C10orf90: variants seen among roughly 807,000 people sequenced by gnomAD.
C10orf90 encodes the protein chromosome 10 open reading frame 90.
Under a neutral mutation model 62.5 loss-of-function variants are expected in C10orf90, and 56 were observed. That is an observed-to-expected ratio of 0.90 (90% CI 0.72 to 1.12). The LOEUF (loss-of-function observed/expected upper bound fraction) is 1.12, where lower values mean the gene tolerates loss of function less well. Among genes scored for constraint, C10orf90 ranks in the 50% most tolerant of loss-of-function variants. The probability of loss-of-function intolerance (pLI) is 0.00; values close to 1 mark genes in which losing one functional copy is unlikely to be tolerated. For synonymous variants in C10orf90, 386 were observed against 340.4 expected (o/e 1.13, Z -1.47); for missense variants, 970 against 880.4 (o/e 1.10, Z -1.29).
At chr10:126,518,060 GT>G (rs3040749) in intron 2 of C10orf90, among the ~76,000 whole-genome samples, 23 of 151,350 alleles carry the variant, frequency 1.5e-4, no homozygotes, top group South Asian at 2.1e-4. Flanking sequence ...ACTCTTGTAT[GT>G]TTTTTTTTTT....
At chr10:126,617,855 T>C (rs1409819838) in intron 2 of C10orf90, among the ~76,000 whole-genome samples, 2 of 152,208 alleles carry the variant, frequency 1.3e-5, no homozygotes, top group African/African-American at 4.8e-5. Flanking sequence ...GAGAATAGAT[T>C]ATACAGTCGG....
At chr10:126,510,533 G>C (rs1863042362) in intron 3 of C10orf90, among the ~76,000 whole-genome samples, 1 of 152,138 alleles carries the variant, frequency 6.6e-6, no homozygotes, top group Non-Finnish European at 1.5e-5. Flanking sequence ...TTAAAAGGAG[G>C]ATGAAAATCA....
rs78533731 is a variant in C10orf90, at chr10:126,474,895, T to C, written c.1535-9909A>G. On this transcript the variant is annotated intron_variant, in intron 4 of 9. Transcript: ENST00000488181. ...CAACATCATCGGCTCATTTGCTTTGTCCTCTGTCAGCAAGTAAGCCAAGGG... is the reference window on the plus strand; with the variant it reads ...CAACATCATCGGCTCATTTGCTTTGCCCTCTGTCAGCAAGTAAGCCAAGGG... Among the ~76,000 whole-genome samples the C allele has an allele frequency of 3.6e-3, 552 of 152,278 alleles. 7 individuals carry two copies. Among genetic ancestry groups the C allele is most frequent in the African/African-American group, 0.013 (537 of 41,550 alleles).
chr10:126,625,595 A>G (rs1401554689), intron 2 of C10orf90, among the ~76,000 whole-genome samples: 2 of 152,166 alleles, frequency 1.3e-5, no homozygotes, highest in Non-Finnish European at 2.9e-5. Context: ...AGCGCAGAGC[A>G]AGAGGAGAGG....
intron 2 of C10orf90, among the ~76,000 whole-genome samples, chr10:126,618,254 C>T (rs752689515): frequency 2.0e-5 from 3 of 152,176 alleles, no homozygotes; most frequent in Non-Finnish European, 2.9e-5. Context: ...TGATGCATCT[C>T]GATTTCAGAG....
At chr10:126,580,652 C>A (rs146952749) in intron 2 of C10orf90, among the ~76,000 whole-genome samples, 78 of 134,934 alleles carry the variant, frequency 5.8e-4, no homozygotes, top group African/African-American at 6.3e-4. Context: ...GGCTCTGTCT[C>A]AAAAAAAAAA....
intron 4 of C10orf90, among the ~76,000 whole-genome samples, chr10:126,468,133 A>G (rs1188142949): frequency 6.7e-6 from 1 of 148,256 alleles, no homozygotes. Flanking sequence ...GAGTGGCACT[A>G]TCTTGGCTCA....
intron 2 of C10orf90, among the ~76,000 whole-genome samples, chr10:126,559,600 CCTT>C (rs1864856951): frequency 1.3e-5 from 2 of 152,190 alleles, no homozygotes; most frequent in African/African-American, 4.8e-5. Flanking sequence ...TCTCCTTTCA[CCTT>C]CTGCCTCCGC....
At chr10:126,481,125 C>G (rs1190512360) in intron 4 of C10orf90, among the ~76,000 whole-genome samples, 1 of 152,240 alleles carries the variant, frequency 6.6e-6, no homozygotes, top group Non-Finnish European at 1.5e-5. Flanking sequence ...TGTCACAAGA[C>G]AGGCTCCTTC....
intron 2 of C10orf90, among the ~76,000 whole-genome samples, chr10:126,565,227 C>T (rs1167958539): frequency 1.6e-3 from 76 of 48,470 alleles, no homozygotes; most frequent in Non-Finnish European, 2.2e-3. Context: ...TTTTATATTA[C>T]ATATTATGTA....
chr10:126,536,869 G>C (rs773239911), intron 2 of C10orf90, among the ~76,000 whole-genome samples: 6 of 152,166 alleles, frequency 3.9e-5, no homozygotes, highest in Non-Finnish European at 2.9e-5. Context: ...GCTTCTGAGG[G>C]CTGGATTGGG....
At chr10:126,635,826 T>C (rs1182527874) in intron 2 of C10orf90, among the ~76,000 whole-genome samples, 1 of 152,182 alleles carries the variant, frequency 6.6e-6, no homozygotes, top group Non-Finnish European at 1.5e-5. Flanking sequence ...TTCAGAAAGA[T>C]TTCCATTTAA....
intron 7 of C10orf90, among the ~76,000 whole-genome samples, chr10:126,442,285 G>A (rs752877288): frequency 7.3e-5 from 11 of 150,834 alleles, no homozygotes; most frequent in African/African-American, 2.4e-4. Flanking sequence ...AAACTTTAAA[G>A]CAACAGCAGT....
chr10:126,552,704 G>A (rs1864664138), intron 2 of C10orf90, among the ~76,000 whole-genome samples: 1 of 152,260 alleles, frequency 6.6e-6, no homozygotes, highest in African/African-American at 2.4e-5. Flanking sequence ...TGCTGCAGCA[G>A]TACCTGCCGC....
At chr10:126,563,917 G>A (rs984797685) in intron 2 of C10orf90, among the ~76,000 whole-genome samples, 1 of 152,144 alleles carries the variant, frequency 6.6e-6, no homozygotes, top group Non-Finnish European at 1.5e-5. Flanking sequence ...GAGAACAGGC[G>A]TTCTCAATCT....
chr10:126,465,581 A>G (rs1174645311), intron 4 of C10orf90, among the ~76,000 whole-genome samples: 1 of 152,188 alleles, frequency 6.6e-6, no homozygotes, highest in African/African-American at 2.4e-5. Context: ...TTACTATTGC[A>G]GAAGCATTGG....
chr10:126,565,349 A>T lies in C10orf90; in HGVS notation c.314-51410T>A, dbSNP rs1408124408. On this transcript the variant is annotated intron_variant, in intron 2 of 9. Coordinates refer to ENST00000488181, the MANE Select transcript of C10orf90 (RefSeq NM_001350921.2). ...TATATTTATATTATATATAATATAT[A>T]ATATATAATATATATTATTTTATAT... is the stretch of plus-strand genomic sequence containing the variant. Among the ~76,000 whole-genome samples the T allele has an allele frequency of 2.9e-3, 188 of 63,770 alleles. 2 individuals are homozygous for T. Among genetic ancestry groups the T allele is most frequent in the South Asian group, 9.3e-3 (24 of 2,586 alleles). 41.8% of individuals were successfully genotyped at this position (63,770 alleles called of 152,430 possible). A position where few individuals can be genotyped will look rare whatever the true frequency, so the allele number is the denominator to read the frequency against.
chr10:126,573,596 G>A (rs1363211166), intron 2 of C10orf90, among the ~76,000 whole-genome samples: 2 of 152,098 alleles, frequency 1.3e-5, no homozygotes, highest in East Asian at 3.9e-4. Context: ...TCCCCCAAAA[G>A]CCCCAGGGCC....
At chr10:126,507,112 C>G (rs1321698894) in intron 3 of C10orf90, among the ~76,000 whole-genome samples, 1 of 152,072 alleles carries the variant, frequency 6.6e-6, no homozygotes, top group East Asian at 1.9e-4. Flanking sequence ...AATCCCAGCA[C>G]TTTGGGAGGC....
Sources: gnomAD v4.1 joint callset for allele counts (sites outside exome capture counted in the v4.1 genomes callset) on GRCh38, gnomAD v4.1.1 for gene constraint, MANE v1.5 for transcripts, NCBI Gene and HGNC (gene_info 2026-07-23, HGNC 2026-07-21) for gene names.